Variants in MSRA observed in about 807,000 individuals in gnomAD.
The protein encoded by MSRA is methionine sulfoxide reductase A.
In MSRA, 54 loss-of-function variants were observed where a neutral mutation model predicts 31.3. The ratio of observed to expected loss-of-function variants is 1.73; its 90% CI spans 1.39 to 2.17. The LOEUF is 2.17. Ranked by LOEUF, MSRA falls within the 30% of genes most tolerant of loss-of-function variation. The pLI is 0.00. For missense variants in MSRA, 507 were observed against 300.9 expected, an observed-to-expected ratio of 1.69 and a Z score of -5.07; for synonymous variants, 169 against 116.5, an observed-to-expected ratio of 1.45 and a Z score of -2.90.
chr8:10,413,339 A>G lies in MSRA; in HGVS notation c.544-14809A>G, dbSNP rs372100650. ...ATTAGCTAACCACACTGAGACTTCA[A>G]TGGCCACACCTGAAAGAGAAGACAG... is the stretch of plus-strand genomic sequence containing the variant. On this transcript the variant is annotated intron_variant, in intron 5 of 5. Transcript: ENST00000317173. Among the ~76,000 whole-genome samples, 136 of 152,362 alleles carry G rather than the reference A, an allele frequency of 8.9e-4. 1 individual carries two copies. In the Middle Eastern group the frequency reaches 0.02, roughly 23 times the overall value.
intron 5 of MSRA, chr8:10,337,892 G>T (rs1331989127): frequency 2.9e-6 from 2 of 686,456 alleles, no homozygotes; most frequent in South Asian, 1.5e-5. Flanking sequence ...CACATTCTTT[G>T]TTATGACAGC....
At chr8:10,069,267 C>A (rs1427381133) in intron 1 of MSRA, among the ~76,000 whole-genome samples, 1 of 152,082 alleles carries the variant, frequency 6.6e-6, no homozygotes, top group Non-Finnish European at 1.5e-5. Context: ...TCTTGTCTTA[C>A]CACATTAGCT....
intron 3 of MSRA, among the ~76,000 whole-genome samples, chr8:10,249,155 C>T (rs1478717792): frequency 6.6e-6 from 1 of 152,206 alleles, no homozygotes; most frequent in Non-Finnish European, 1.5e-5. Context: ...TGTTCTGATC[C>T]ATACTCTGTA....
intron 5 of MSRA, chr8:10,336,770 T>C (rs1227278690): frequency 6.6e-6 from 1 of 152,238 alleles, no homozygotes; most frequent in Non-Finnish European, 1.5e-5. Context: ...GTATACACAT[T>C]TGCTTGGAAT....
chr8:10,371,437 G>A (rs1231665976), intron 5 of MSRA, among the ~76,000 whole-genome samples: 1 of 152,096 alleles, frequency 6.6e-6, no homozygotes, highest in Non-Finnish European at 1.5e-5. Flanking sequence ...GTTGACAGAA[G>A]CCTTCTTTCT....
At chr8:10,089,194 C>T (rs968541328) in intron 1 of MSRA, among the ~76,000 whole-genome samples, 1 of 152,078 alleles carries the variant, frequency 6.6e-6, no homozygotes, top group Non-Finnish European at 1.5e-5. Flanking sequence ...TGTTAGTCTG[C>T]TTCACTGCAG....
At chr8:10,331,959 G>A (rs66533014) in intron 5 of MSRA, among the ~76,000 whole-genome samples, 19,594 of 152,134 alleles carry the variant, frequency 0.13, 1,374 homozygotes, top group African/African-American at 0.17. Context: ...ACGGAGGGCC[G>A]ACTGTATCAG....
chr8:10,235,752 T>G (rs1158320586), intron 2 of MSRA, among the ~76,000 whole-genome samples: 4 of 152,208 alleles, frequency 2.6e-5, no homozygotes, highest in African/African-American at 9.6e-5. Flanking sequence ...AATAATTTTT[T>G]TTCTAATGCG....
Position 10,419,221 on chromosome 8 carries a change from C to G in MSRA, c.544-8927C>G, listed in dbSNP as rs1041496808. On this transcript the variant is annotated intron_variant, in intron 5 of 5. Transcript: ENST00000317173. ...CTTGCACCTCTCACGTGTCGCAGGA[C>G]AGAACACTCGGCATCCTGGGGGCTT... Among the ~76,000 whole-genome samples the G allele has an allele frequency of 2.0e-5, 3 of 152,280 alleles. No homozygotes were observed. The East Asian group carries it at 5.8e-4, about 29-fold the overall frequency.
At chr8:10,248,542 C>T (rs1003907869) in intron 3 of MSRA, among the ~76,000 whole-genome samples, 3 of 152,212 alleles carry the variant, frequency 2.0e-5, no homozygotes, top group African/African-American at 7.2e-5. Flanking sequence ...AGTGGGTCTG[C>T]ACAGCCTCAA....
chr8:10,375,395 C>T (rs1805703310), intron 5 of MSRA, among the ~76,000 whole-genome samples: 2 of 152,202 alleles, frequency 1.3e-5, no homozygotes, highest in African/African-American at 4.8e-5. Flanking sequence ...ATATCGGAGG[C>T]ATGACCACAA....
intron 1 of MSRA, among the ~76,000 whole-genome samples, chr8:10,069,276 C>G (rs570768435): frequency 8.9e-4 from 135 of 152,296 alleles, no homozygotes; most frequent in African/African-American, 3.1e-3. Context: ...ACCACATTAG[C>G]TAGGACTTCT....
At chr8:10,313,425 A>G (rs1413296769) in intron 4 of MSRA, among the ~76,000 whole-genome samples, 3 of 151,992 alleles carry the variant, frequency 2.0e-5, no homozygotes, top group Non-Finnish European at 4.4e-5. Flanking sequence ...TTACTTATTT[A>G]CCAGGAACTG....
At chr8:10,138,322 G>C (rs1290687335) in intron 1 of MSRA, among the ~76,000 whole-genome samples, 2 of 152,194 alleles carry the variant, frequency 1.3e-5, no homozygotes, top group African/African-American at 2.4e-5. Flanking sequence ...GAAGATGGGA[G>C]GGTGTGGGAG....
chr8:10,142,855 T>C (rs757658905), intron 1 of MSRA, among the ~76,000 whole-genome samples: 23 of 152,226 alleles, frequency 1.5e-4, no homozygotes, highest in African/African-American at 5.3e-4. Flanking sequence ...TTTGAAATTA[T>C]TTTGAGTAAC....
At chr8:10,381,893 C>T (rs1197755544) in intron 5 of MSRA, among the ~76,000 whole-genome samples, 2 of 152,208 alleles carry the variant, frequency 1.3e-5, no homozygotes, top group African/African-American at 2.4e-5. Flanking sequence ...ACCTCAGGCA[C>T]CTGCCACTCT....
chr8:10,298,069 G>A (rs761552421), intron 3 of MSRA, among the ~76,000 whole-genome samples: 1 of 152,140 alleles, frequency 6.6e-6, no homozygotes, highest in Admixed American at 6.5e-5. Context: ...ATCCTCTTAC[G>A]TCCTCACTGT....
chr8:10,219,938 T>G (rs1810348245), intron 2 of MSRA, among the ~76,000 whole-genome samples: 1 of 152,080 alleles, frequency 6.6e-6, no homozygotes, highest in Non-Finnish European at 1.5e-5. Context: ...AGTTCTTTTT[T>G]TTCAGGAATA....
At chr8:10,185,166 G>A (rs1408195023) in intron 1 of MSRA, among the ~76,000 whole-genome samples, 1 of 152,138 alleles carries the variant, frequency 6.6e-6, no homozygotes, top group East Asian at 1.9e-4. Flanking sequence ...TGTGCCCTTA[G>A]CGAATGCGAA....
Sources: allele counts gnomAD v4.1 joint callset (sites outside exome capture counted in the v4.1 genomes callset), GRCh38; gene constraint gnomAD v4.1.1; transcripts MANE v1.5; gene names NCBI Gene and HGNC (gene_info 2026-07-23, HGNC 2026-07-21).